The following SCHIP1 variants were observed in gnomAD, a reference collection of about 807,000 sequenced individuals.
The protein encoded by SCHIP1 is schwannomin-interacting protein 1.
In SCHIP1, 8 loss-of-function variants were observed where a neutral mutation model predicts 29.7. The observed-to-expected ratio is 0.27, with a 90% CI of 0.16 to 0.49. The LOEUF (loss-of-function observed/expected upper bound fraction) is 0.49. Ranked by LOEUF, SCHIP1 falls within the 20% of genes least tolerant of loss-of-function variation. The pLI is 0.99. For synonymous variants in SCHIP1, 76 were observed against 94.9 expected (o/e 0.80, Z 1.16); for missense variants, 193 against 294.6 (o/e 0.66, Z 2.52).
the SCHIP1 span, among the ~76,000 whole-genome samples, chr3:159,744,514 A>C: frequency 6.6e-6 from 1 of 152,228 alleles, no homozygotes; most frequent in Non-Finnish European, 1.5e-5. Flanking sequence ...TACATTTCAG[A>C]GAAATACTTT....
At chr3:159,358,988 C>T in the SCHIP1 span, among the ~76,000 whole-genome samples, 1 of 130,816 alleles carries the variant, frequency 7.6e-6, no homozygotes, top group Non-Finnish European at 1.5e-5. Flanking sequence ...AGTGCAGTGT[C>T]CCAGTCTCAG....
At chr3:159,520,941 T>G in the SCHIP1 span, among the ~76,000 whole-genome samples, 34 of 152,362 alleles carry the variant, frequency 2.2e-4, no homozygotes, top group Non-Finnish European at 4.7e-4. Flanking sequence ...ACAAACCTTA[T>G]ATGAACTGTG....
chr3:159,768,744 G>A, the SCHIP1 span: 1 of 152,324 alleles, frequency 6.6e-6, no homozygotes, highest in East Asian at 1.9e-4. Flanking sequence ...AGAGCTGGGG[G>A]CTCAAGACAG....
chr3:159,501,291 T>C, the SCHIP1 span, among the ~76,000 whole-genome samples: 4 of 152,206 alleles, frequency 2.6e-5, no homozygotes, highest in African/African-American at 9.7e-5. Context: ...AAAAGGATGG[T>C]AAACAGTTGC....
the SCHIP1 span, among the ~76,000 whole-genome samples, chr3:159,536,268 C>T: frequency 6.6e-6 from 1 of 152,174 alleles, no homozygotes; most frequent in Non-Finnish European, 1.5e-5. Context: ...ATTCCATTTT[C>T]CTCCGAGTTA....
chr3:159,857,028 C>A (rs1278581747), intron 1 of SCHIP1, among the ~76,000 whole-genome samples: 1 of 152,170 alleles, frequency 6.6e-6, no homozygotes, highest in African/African-American at 2.4e-5. Flanking sequence ...AAGCCTGGGA[C>A]CTAGCCCCAC....
At chr3:159,616,976 T>C in the SCHIP1 span, among the ~76,000 whole-genome samples, 1 of 152,240 alleles carries the variant, frequency 6.6e-6, no homozygotes, top group Admixed American at 6.5e-5. Flanking sequence ...ATGCCACATG[T>C]AGCCAATGGG....
the SCHIP1 span, among the ~76,000 whole-genome samples, chr3:159,459,371 TC>T: frequency 3.3e-5 from 5 of 152,172 alleles, no homozygotes; most frequent in Admixed American, 2.0e-4. Flanking sequence ...GCCTTGCTTT[TC>T]CAGGCTTCTT....
the SCHIP1 span, among the ~76,000 whole-genome samples, chr3:159,573,006 C>T: frequency 2.7e-5 from 4 of 148,646 alleles, no homozygotes; most frequent in African/African-American, 9.9e-5. Context: ...CTATGTGCAT[C>T]TTTGCATGTG....
At chr3:159,731,601 T>C in the SCHIP1 span, among the ~76,000 whole-genome samples, 1 of 152,170 alleles carries the variant, frequency 6.6e-6, no homozygotes, top group East Asian at 1.9e-4. Context: ...AATCCAAATC[T>C]CACACCACAA....
chr3:159,797,123 A>G, the SCHIP1 span, among the ~76,000 whole-genome samples: 29 of 152,242 alleles, frequency 1.9e-4, no homozygotes, highest in Non-Finnish European at 3.5e-4. Flanking sequence ...AATAGGAGGC[A>G]ACAGTACCAC....
chr3:159,476,074 A>G, the SCHIP1 span, among the ~76,000 whole-genome samples: 3 of 152,126 alleles, frequency 2.0e-5, no homozygotes, highest in African/African-American at 7.2e-5. Context: ...GACAGCTCAG[A>G]GTTGGAAAAA....
At chr3:159,522,675 C>T in the SCHIP1 span, among the ~76,000 whole-genome samples, 1 of 152,116 alleles carries the variant, frequency 6.6e-6, no homozygotes, top group Non-Finnish European at 1.5e-5. Flanking sequence ...TTGAGACCAT[C>T]CTGGCCAACA....
chr3:159,408,930 T>A, the SCHIP1 span, among the ~76,000 whole-genome samples: 1 of 152,136 alleles, frequency 6.6e-6, no homozygotes, highest in South Asian at 2.1e-4. Context: ...ATTAGAAAGA[T>A]CATTCATTAT....
chr3:159,733,194 G>T, the SCHIP1 span, among the ~76,000 whole-genome samples: 2 of 152,056 alleles, frequency 1.3e-5, no homozygotes, highest in Non-Finnish European at 2.9e-5. Context: ...GCTAATTACT[G>T]CTCCGTCATT....
chr3:159,687,857 T>C, the SCHIP1 span, among the ~76,000 whole-genome samples: 1 of 152,210 alleles, frequency 6.6e-6, no homozygotes, highest in Non-Finnish European at 1.5e-5. Flanking sequence ...GGTGTTTGAT[T>C]TTCTGTTTCT....
chr3:159,680,679 TA>T, the SCHIP1 span, among the ~76,000 whole-genome samples: 19 of 77,484 alleles, frequency 2.5e-4, no homozygotes, highest in Admixed American at 4.6e-4. Flanking sequence ...ATTATATATA[TA>T]ATATATGTAT....
At chr3:159,539,295 G>T in the SCHIP1 span, among the ~76,000 whole-genome samples, 1 of 84,310 alleles carries the variant, frequency 1.2e-5, no homozygotes, top group Admixed American at 1.2e-4. Context: ...TGATTCAAAT[G>T]GGATTTAGAT....
the SCHIP1 span, among the ~76,000 whole-genome samples, chr3:159,398,509 A>G: frequency 6.6e-6 from 1 of 152,184 alleles, no homozygotes; most frequent in Admixed American, 6.5e-5. Context: ...TAACTTTAGA[A>G]AAGTAACTAT....
Sources: allele counts gnomAD v4.1 joint callset (sites outside exome capture counted in the v4.1 genomes callset), GRCh38; gene constraint gnomAD v4.1.1; transcripts MANE v1.5; gene names NCBI Gene and HGNC (gene_info 2026-07-23, HGNC 2026-07-21).